Variants in RPSA2 observed in about 807,000 individuals in gnomAD.
RPSA2 encodes the protein small ribosomal subunit protein uS2B.
the RPSA2 span, among the ~76,000 whole-genome samples, chr19:23,777,386 A>G: frequency 6.6e-6 from 1 of 152,176 alleles, no homozygotes; most frequent in Non-Finnish European, 1.5e-5. Flanking sequence ...CTTTTCATTC[A>G]TCACCCAGGT....
At chr19:23,859,089 A>G in the RPSA2 span, among the ~76,000 whole-genome samples, 1 of 152,176 alleles carries the variant, frequency 6.6e-6, no homozygotes. Flanking sequence ...TTGACATGAG[A>G]TGATGTATCT....
chr19:23,815,989 G>A, the RPSA2 span, among the ~76,000 whole-genome samples: 4 of 55,318 alleles, frequency 7.2e-5, no homozygotes, highest in Admixed American at 4.1e-4. Flanking sequence ...TTCATAAAAT[G>A]TAGTTGTTTT....
At chr19:23,836,796 G>T in the RPSA2 span, among the ~76,000 whole-genome samples, 3 of 151,844 alleles carry the variant, frequency 2.0e-5, no homozygotes, top group Admixed American at 6.6e-5. Context: ...TAATATGTTT[G>T]TTGGCCATTT....
the RPSA2 span, among the ~76,000 whole-genome samples, chr19:23,844,404 A>G: frequency 5.9e-5 from 9 of 152,280 alleles, no homozygotes; most frequent in African/African-American, 2.2e-4. Context: ...TAGATACCCA[A>G]TGGTGAAATT....
chr19:23,831,667 A>G, the RPSA2 span: 1 of 223,882 alleles, frequency 4.5e-6, no homozygotes, highest in South Asian at 8.1e-5. Flanking sequence ...AAAAAGTAAT[A>G]CTGAGAAGAC....
At chr19:23,819,164 A>G in the RPSA2 span, 1 of 152,152 alleles carries the variant, frequency 6.6e-6, no homozygotes. Flanking sequence ...AAGATTTCTA[A>G]CCACTTTTAC....
chr19:23,807,852 C>A, the RPSA2 span: 1 of 436,510 alleles, frequency 2.3e-6, no homozygotes, highest in South Asian at 1.9e-5. Context: ...GGTATGTGGC[C>A]ATAGAATTCT....
the RPSA2 span, among the ~76,000 whole-genome samples, chr19:23,854,960 A>T: frequency 6.6e-6 from 1 of 152,220 alleles, no homozygotes; most frequent in East Asian, 1.9e-4. Flanking sequence ...ATGAAGGAGA[A>T]TACCTTGAGC....
chr19:23,766,758 G>GTT, the RPSA2 span, among the ~76,000 whole-genome samples: 1 of 134,064 alleles, frequency 7.5e-6, no homozygotes, highest in African/African-American at 2.8e-5. Flanking sequence ...CGGGCCAAAT[G>GTT]TTTTTTTTTT....
chr19:23,845,704 G>C, the RPSA2 span, among the ~76,000 whole-genome samples: 1 of 152,086 alleles, frequency 6.6e-6, no homozygotes, highest in Non-Finnish European at 1.5e-5. Context: ...TGTTGCTCAG[G>C]CCGTCTCAAA....
chr19:23,823,519 A>C, the RPSA2 span, among the ~76,000 whole-genome samples: 5 of 152,044 alleles, frequency 3.3e-5, no homozygotes, highest in African/African-American at 1.2e-4. Context: ...TCCCAAAACC[A>C]TCTCTTTCAC....
chr19:23,808,157 A>G, the RPSA2 span, among the ~76,000 whole-genome samples: 5,610 of 152,210 alleles, frequency 0.037, 169 homozygotes, highest in Non-Finnish European at 0.049. Flanking sequence ...GATTATTGGT[A>G]ATTTCAGAAG....
At chr19:23,805,155 A>ACACT in the RPSA2 span, among the ~76,000 whole-genome samples, 18 of 1,476 alleles carry the variant, frequency 0.012, no homozygotes, top group African/African-American at 0.015. Context: ...ACACACACAC[A>ACACT]CACACACACT....
chr19:23,769,224 CTG>C, the RPSA2 span, among the ~76,000 whole-genome samples: 1 of 152,202 alleles, frequency 6.6e-6, no homozygotes. Flanking sequence ...GCCCTACCCA[CTG>C]GAGTGATTTT....
chr19:23,828,588 T>C, the RPSA2 span, among the ~76,000 whole-genome samples: 129,710 of 132,770 alleles, frequency 0.98, 63,478 homozygotes, highest in Middle Eastern at 1. Flanking sequence ...TCGTTGTATA[T>C]TCTCATTCCA....
chr19:23,855,508 C>T, the RPSA2 span, among the ~76,000 whole-genome samples: 3 of 152,206 alleles, frequency 2.0e-5, no homozygotes, highest in Non-Finnish European at 4.4e-5. Context: ...GATAAGCCCA[C>T]ACCTCTAATC....
At chr19:23,761,030 C>T in the RPSA2 span, among the ~76,000 whole-genome samples, 7 of 66,850 alleles carry the variant, frequency 1.0e-4, no homozygotes, top group South Asian at 1.2e-3. Context: ...TATATATACA[C>T]ATATATATAG....
At chr19:23,820,084 A>G in the RPSA2 span, among the ~76,000 whole-genome samples, 2 of 152,192 alleles carry the variant, frequency 1.3e-5, no homozygotes, top group Non-Finnish European at 2.9e-5. Flanking sequence ...AAGTACTAAC[A>G]TGTTTCAATA....
the RPSA2 span, among the ~76,000 whole-genome samples, chr19:23,868,968 G>A: frequency 6.6e-6 from 1 of 152,152 alleles, no homozygotes; most frequent in South Asian, 2.1e-4. Flanking sequence ...CATGCAGGAA[G>A]CTGAGAAACT....
Sources: gnomAD v4.1 joint callset for allele counts (sites outside exome capture counted in the v4.1 genomes callset) on GRCh38, gnomAD v4.1.1 for gene constraint, MANE v1.5 for transcripts, NCBI Gene and HGNC (gene_info 2026-07-23, HGNC 2026-07-21) for gene names.